The following MYO5B variants were observed in gnomAD, a reference collection of about 807,000 sequenced individuals.
The protein encoded by MYO5B is unconventional myosin-Vb.
MYO5B carries 143 observed loss-of-function variants against 229.3 expected under a neutral mutation model. That is an observed-to-expected ratio of 0.62 (90% CI 0.54 to 0.72). The LOEUF is 0.72. Among genes scored for constraint, MYO5B ranks in the 30% least tolerant of loss-of-function variants. MYO5B has a pLI of 0.00. For synonymous variants in MYO5B, 918 were observed against 885.2 expected (o/e 1.04, Z -0.66); for missense variants, 2,321 against 2,331.0 (o/e 1.00, Z 0.09).
intron 1 of MYO5B, among the ~76,000 whole-genome samples, chr18:50,090,890 G>A (rs1568102826): frequency 6.6e-6 from 1 of 152,158 alleles, no homozygotes; most frequent in African/African-American, 2.4e-5. Flanking sequence ...TCAAAGTTCT[G>A]GGTCTGGAAT....
At chr18:49,879,236 T>A in intron 23 of MYO5B, 146 bp from the exon 24 acceptor site, 2 of 909,660 alleles carry the variant, frequency 2.2e-6, no homozygotes, top group Non-Finnish European at 3.5e-6. Context: ...GCTCCTCACC[T>A]ACTGCAGAGC....
intron 4 of MYO5B, among the ~76,000 whole-genome samples, chr18:50,016,162 G>T (rs999231707): frequency 6.6e-6 from 1 of 152,146 alleles, no homozygotes; most frequent in Admixed American, 6.5e-5. Flanking sequence ...CAGAACTTGA[G>T]GGATCTGCTG....
chr18:49,990,906 G>A (rs983644217), intron 6 of MYO5B, among the ~76,000 whole-genome samples: 2 of 152,146 alleles, frequency 1.3e-5, no homozygotes, highest in African/African-American at 4.8e-5. Context: ...TCTCCTCTGG[G>A]AGGCTCAGAG....
At chr18:50,048,505 A>C (rs1327660756) in intron 2 of MYO5B, among the ~76,000 whole-genome samples, 1 of 152,190 alleles carries the variant, frequency 6.6e-6, no homozygotes, top group Non-Finnish European at 1.5e-5. Flanking sequence ...AGGCAGAGGA[A>C]GAGAAGGGCA....
chr18:49,962,249 T>G lies in MYO5B; in HGVS notation c.1545+17A>C. 6.2e-7 allele frequency: 1 copy of G among 1,614,150 alleles called. No individual in the cohort carries two copies. Among genetic ancestry groups the G allele is most frequent in the South Asian group, 1.1e-5 (1 of 91,082 alleles). ...TCCCTACCCTAGAATTGAACTAATT[T>G]GCATCATCAGTTTTACCTTACATTC... On this transcript the variant is annotated intron_variant, in intron 12 of 39. Coordinates refer to ENST00000285039, the MANE Select transcript of MYO5B (RefSeq NM_001080467.3).
At chr18:50,094,634 G>T (rs1373634743) in intron 1 of MYO5B, among the ~76,000 whole-genome samples, 1 of 152,140 alleles carries the variant, frequency 6.6e-6, no homozygotes, top group Admixed American at 6.5e-5. Flanking sequence ...CCAAACAAGG[G>T]AAAAAACCTA....
intron 1 of MYO5B, among the ~76,000 whole-genome samples, chr18:50,157,731 CA>C (rs764431723): frequency 6.6e-6 from 1 of 152,146 alleles, no homozygotes; most frequent in Non-Finnish European, 1.5e-5. Flanking sequence ...CACCAGTGCC[CA>C]GCAAACTGAT....
intron 2 of MYO5B, among the ~76,000 whole-genome samples, chr18:50,052,582 C>T (rs528846393): frequency 7.4e-4 from 107 of 145,100 alleles, no homozygotes; most frequent in African/African-American, 2.4e-3. Flanking sequence ...GGAGGGATAG[C>T]ATTAGGAGAT....
At chr18:50,143,061 T>C (rs1055425914) in intron 1 of MYO5B, among the ~76,000 whole-genome samples, 6 of 152,206 alleles carry the variant, frequency 3.9e-5, no homozygotes, top group South Asian at 4.1e-4. Context: ...GGTAATTACA[T>C]TGTCAAATAT....
chr18:49,974,598 T>C lies in MYO5B; in HGVS notation c.1074A>G (p.Leu358=), dbSNP rs548182150. ...CCCCTAGCAGTCGGCAGAAGTTGCT[T>C]AGGTATACATCCTGGGGCTGTGGGA... ...SCSISPQDVY[L]SNFCRLLGVE... is the part of the protein sequence containing the mutation. Residue 358 remains leucine (L), a synonymous_variant, in exon 10 of 40, where the codon CTA becomes CTG. Transcript: ENST00000285039. 9.3e-6 allele frequency: 15 copies of C among 1,613,824 alleles called. No homozygotes were observed. The highest frequency in any genetic ancestry group is 1.2e-5 in the Non-Finnish European group (14 of 1,179,950).
chr18:50,040,079 T>A, intron 3 of MYO5B, 64 bp downstream of exon 3: 1 of 1,542,380 alleles, frequency 6.5e-7, no homozygotes, highest in African/African-American at 1.4e-5. Context: ...GCATTTGAGT[T>A]GAGCAAGTCT....
intron 29 of MYO5B, among the ~76,000 whole-genome samples, chr18:49,861,554 T>C (rs1568614265): frequency 6.6e-6 from 1 of 152,236 alleles, no homozygotes; most frequent in Non-Finnish European, 1.5e-5. Flanking sequence ...CCTTCATTCC[T>C]TTTCTCCCTC....
intron 1 of MYO5B, among the ~76,000 whole-genome samples, chr18:50,163,983 A>T (rs58115427): frequency 0.12 from 18,251 of 152,234 alleles, 1,120 homozygotes; most frequent in East Asian, 0.23. Flanking sequence ...TTTAAAAGAA[A>T]AATATCAAAA....
intron 27 of MYO5B, among the ~76,000 whole-genome samples, chr18:49,865,538 G>A (rs1414008241): frequency 2.6e-5 from 4 of 152,208 alleles, no homozygotes; most frequent in Admixed American, 2.6e-4. Flanking sequence ...ATCCTCAGGA[G>A]AGCCAGTGTC....
chr18:50,145,037 C>A (rs530417002), intron 1 of MYO5B, among the ~76,000 whole-genome samples: 41 of 152,310 alleles, frequency 2.7e-4, no homozygotes, highest in East Asian at 1.9e-3. Context: ...CTGGGAGAGG[C>A]AACAACTCAG....
intron 2 of MYO5B, among the ~76,000 whole-genome samples, chr18:50,048,235 CT>C (rs1370012335): frequency 3.3e-5 from 5 of 152,060 alleles, no homozygotes; most frequent in African/African-American, 4.8e-5. Context: ...TAAAGAGAAC[CT>C]TCTTATTCTT....
intron 9 of MYO5B, among the ~76,000 whole-genome samples, chr18:49,978,317 C>T (rs1321730608): frequency 6.6e-6 from 1 of 152,190 alleles, no homozygotes; most frequent in Non-Finnish European, 1.5e-5. Context: ...CACTCACTTC[C>T]CTTCTCACCT....
chr18:50,022,097 CCCA>C (rs1376410337), intron 4 of MYO5B, among the ~76,000 whole-genome samples: 3 of 151,898 alleles, frequency 2.0e-5, no homozygotes, highest in Non-Finnish European at 2.9e-5. Context: ...TCCCTCCCTC[CCCA>C]CCATTTTTTT....
intron 14 of MYO5B, among the ~76,000 whole-genome samples, chr18:49,946,544 GC>G (rs1440554498): frequency 6.6e-6 from 1 of 152,154 alleles, no homozygotes; most frequent in Non-Finnish European, 1.5e-5. Flanking sequence ...CCTTTCTCCT[GC>G]TTCCATTAGA....
Sources: allele counts gnomAD v4.1 joint callset (sites outside exome capture counted in the v4.1 genomes callset), GRCh38; gene constraint gnomAD v4.1.1; transcripts MANE v1.5; gene names NCBI Gene and HGNC (gene_info 2026-07-23, HGNC 2026-07-21).